The following PACS2 variants were observed in gnomAD, a reference collection of about 807,000 sequenced individuals.
PACS2 encodes PACS1-like protein.
A neutral mutation model predicts 113.0 loss-of-function variants in PACS2; 36 were observed. The observed-to-expected ratio is 0.32, with a 90% CI of 0.24 to 0.42. The LOEUF is 0.42. Ranked by LOEUF, PACS2 falls within the 10% of genes least tolerant of loss-of-function variation. The probability of loss-of-function intolerance (pLI) is 1.00; values close to 1 mark genes in which losing one functional copy is unlikely to be tolerated. For synonymous variants in PACS2, 589 were observed against 536.1 expected, an observed-to-expected ratio of 1.10 and a Z score of -1.36; for missense variants, 1,015 against 1,239.5, an observed-to-expected ratio of 0.82 and a Z score of 2.72.
At chr14:105,313,254 T>G (rs1255035354), upstream of PACS2, among the ~76,000 whole-genome samples, 2 of 152,016 alleles carry the variant, frequency 1.3e-5, no homozygotes, top group Non-Finnish European at 1.5e-5. Flanking sequence ...AGTTCTGGGG[T>G]CAATGGGTGC....
At chr14:105,311,656 G>A (rs1458163134), upstream of PACS2, among the ~76,000 whole-genome samples, 1 of 152,194 alleles carries the variant, frequency 6.6e-6, no homozygotes, top group East Asian at 1.9e-4. Context: ...CAACCCCGGG[G>A]TTGATTCCAG....
At chr14:105,384,311 C>T (rs370007517) in intron 16 of PACS2, 42 bp from the exon 17 acceptor site, 75 of 1,227,456 alleles carry the variant, frequency 6.1e-5, no homozygotes, top group African/African-American at 1.6e-4. Context: ...CTTGCAGCTC[C>T]GAGTCCCCCG....
chr14:105,349,276 C>G (rs587744875), intron 2 of PACS2, among the ~76,000 whole-genome samples: 1 of 152,250 alleles, frequency 6.6e-6, no homozygotes, highest in African/African-American at 2.4e-5. Context: ...CCACCGCCAG[C>G]GGGCTCTCCC....
intron 1 of PACS2, among the ~76,000 whole-genome samples, chr14:105,301,725 G>A (rs904217891): frequency 6.6e-6 from 1 of 152,228 alleles, no homozygotes; most frequent in African/African-American, 2.4e-5. Context: ...TTACCCGTGA[G>A]TCACCTCGCT....
At position 105,394,604 on chromosome 14, in the gene PACS2, G is replaced by A. The variant is rs367840030; in HGVS notation, c.2647G>A (p.Ala883Thr). 1.2e-5 allele frequency: 20 copies of A among 1,613,316 alleles called. No homozygotes were observed. The highest frequency in any genetic ancestry group is 5.5e-5 in the South Asian group (5 of 91,090). ...CGACGTCAAGTTCTTCCAGCTGGCCGCGCAGTGGTCCTCGCACGTGAAGCA... is the reference window on the plus strand; with the variant it reads ...CGACGTCAAGTTCTTCCAGCTGGCCACGCAGTGGTCCTCGCACGTGAAGCA... ...CSDVKFFQLA[A>T]QWSSHVKHFP... is the part of the protein sequence containing the mutation. Residue 883 changes from alanine (A) to threonine (T), a missense_variant, in exon 25 of 25, where the codon GCG becomes ACG. By Grantham distance (58) the Ala-to-Thr change is moderately conservative. This residue lies in a region of PACS2 where 859 missense variants were observed against 1,056.8 expected (regional missense o/e 0.81). Coordinates refer to ENST00000447393, the MANE Select transcript of PACS2 (RefSeq NM_001100913.3).
chr14:105,353,666 T>G (rs1050590864), intron 3 of PACS2, among the ~76,000 whole-genome samples: 4 of 152,070 alleles, frequency 2.6e-5, no homozygotes, highest in South Asian at 2.1e-4. Context: ...CAGTCTTGGC[T>G]CACTGCAACC....
At chr14:105,363,429 G>A (rs181962455) in intron 4 of PACS2, among the ~76,000 whole-genome samples, 14 of 152,306 alleles carry the variant, frequency 9.2e-5, no homozygotes, top group African/African-American at 2.2e-4. Flanking sequence ...AGCACTTGCC[G>A]CTTCACCTTG....
intron 1 of PACS2, among the ~76,000 whole-genome samples, chr14:105,345,394 G>A (rs376857048): frequency 7.7e-4 from 117 of 152,220 alleles, no homozygotes; most frequent in Middle Eastern, 6.8e-3. Context: ...GCAACAGAGC[G>A]AGACTCCGTC....
In PACS2 at chr14:105,309,308, T is replaced by C. The variant is rs906882117; in HGVS notation, c.-83+8329T>C. Among the ~76,000 whole-genome samples the C allele has an allele frequency of 6.6e-6, 1 of 152,208 alleles. No homozygotes were observed. Among genetic ancestry groups the C allele is most frequent in the Non-Finnish European group, 1.5e-5 (1 of 68,038 alleles). On this transcript the variant is annotated intron_variant, in intron 1 of 23. Coordinates refer to the PACS2 transcript ENST00000430725. This position sits in a 1 kb window ranked among gnomAD's most constrained non-coding sequence, Gnocchi z 4.0. The stretch of plus-strand genomic sequence containing the variant: ...GAGTTTTATTCCTGAATCCAGGTCA[T>C]GCTGTGTTCAACTTTACACCCTGAT...
rs778797482 is a variant in PACS2, at chr14:105,330,280, T to G, written c.119+15243T>G. Among the ~76,000 whole-genome samples, 9 of 35,324 alleles carry G rather than the reference T, an allele frequency of 2.5e-4. No individual in the cohort carries two copies. Among genetic ancestry groups the G allele is most frequent in the South Asian group, 9.3e-4 (1 of 1,074 alleles). 23.2% of individuals were successfully genotyped at this position (35,324 alleles called of 152,430 possible). A position where few individuals can be genotyped will look rare whatever the true frequency, so the allele number is the denominator to read the frequency against. On this transcript the variant is annotated intron_variant, in intron 1 of 24. Transcript: ENST00000447393. This position sits in a 1 kb window ranked among gnomAD's most constrained non-coding sequence, Gnocchi z 6.9. ...CCTGGGGTCCGTGTGTGGGACGGAA[T>G]GGGGACAGGAGCCTCCGAGAAGCCT... is the stretch of plus-strand genomic sequence containing the variant.
At chr14:105,313,176 A>G (rs1420823821), upstream of PACS2, among the ~76,000 whole-genome samples, 1 of 152,160 alleles carries the variant, frequency 6.6e-6, no homozygotes, top group Admixed American at 6.5e-5. Context: ...CACAGGCACC[A>G]TGTGTCAGGC....
At position 105,392,624 on chromosome 14, in the gene PACS2, G is replaced by A; in HGVS notation, c.2261G>A (p.Gly754Asp). The change falls in exon 23 of 25, where the codon GGT (glycine) becomes GAT (aspartate). Residue 754 changes from glycine to aspartate, a missense_variant. Physicochemically the swap from Gly to Asp is moderately conservative, Grantham distance 94. This residue lies in a region of PACS2 where 859 missense variants were observed against 1,056.8 expected (regional missense o/e 0.81). Coordinates refer to ENST00000447393, the MANE Select transcript of PACS2 (RefSeq NM_001100913.3). ...CCTCCCTCTGCCTTTCCCAGCCAGG[G>A]TGTCGGCGCCGAGCTGATGGGGCTG... ...VSGGLSSPSQ[G>D]VGAELMGLQV... 1.9e-6 allele frequency: 3 copies of A among 1,605,024 alleles called. No individual in the cohort carries two copies. Among genetic ancestry groups the A allele is most frequent in the East Asian group, 4.5e-5 (2 of 44,380 alleles).
In PACS2 at chr14:105,384,995, G is replaced by T; in HGVS notation, c.2000+8G>T. On this transcript the variant is annotated splice_region_variant and intron_variant, in intron 18 of 24. Coordinates refer to ENST00000447393, the MANE Select transcript of PACS2 (RefSeq NM_001100913.3). ...GACCTACAAGCAGAAGAGGTAACGC[G>T]GTGGGCCCAGGCACCATACCACAGG... The T allele has an allele frequency of 6.7e-7, 1 of 1,501,566 alleles. No individual in the cohort carries two copies. The highest frequency in any genetic ancestry group is 2.4e-5 in the East Asian group (1 of 41,660). The allele number at this position is 1,501,566 out of a possible 1,614,324, so 93.0% of individuals were successfully genotyped here. A position where few individuals can be genotyped will look rare whatever the true frequency, so the allele number is the denominator to read the frequency against.
At chr14:105,394,391 GGAGCCCCC>G in intron 24 of PACS2, 155 bp from the exon 25 acceptor site, 1 of 985,306 alleles carries the variant, frequency 1.0e-6, no homozygotes, top group Non-Finnish European at 1.2e-6. Context: ...GCATGGCCCT[GGAGCCCCC>G]GAGTCCCTGA....
chr14:105,362,433 A>G (rs1297418128), intron 4 of PACS2, among the ~76,000 whole-genome samples: 1 of 151,188 alleles, frequency 6.6e-6, no homozygotes, highest in Non-Finnish European at 1.5e-5. Flanking sequence ...AAAAAAAAGA[A>G]AAGAAAAAAA....
At chr14:105,310,762 G>A (rs987175483), upstream of PACS2, among the ~76,000 whole-genome samples, 1 of 152,060 alleles carries the variant, frequency 6.6e-6, no homozygotes, top group Non-Finnish European at 1.5e-5. Flanking sequence ...TCATCATGGA[G>A]AAAATAGGAG....
At chr14:105,383,892 A>G (rs1030053077) in intron 16 of PACS2, 36 of 288,832 alleles carry the variant, frequency 1.2e-4, no homozygotes, top group Admixed American at 7.8e-4. Context: ...AGGGCTCGTT[A>G]TTAATCCTCT....
chr14:105,351,307 C>T (rs1256071337), intron 2 of PACS2, among the ~76,000 whole-genome samples: 1 of 152,184 alleles, frequency 6.6e-6, no homozygotes, highest in Admixed American at 6.5e-5. Flanking sequence ...CGGTTGGGGT[C>T]CTGTTGTCTT....
rs1595676889 is a variant in PACS2, at chr14:105,354,979, G to T, written c.298-73G>T. ...CCTGGTCGCAGGCTGCAGGGTGGCT[G>T]GGCCGTCAGAGGCCGTGATGCTGCC... On this transcript the variant is annotated intron_variant, in intron 3 of 24. Transcript: ENST00000447393. This position sits in a 1 kb window ranked among gnomAD's most constrained non-coding sequence, Gnocchi z 4.2. The T allele has an allele frequency of 5.3e-6, 8 of 1,519,632 alleles. No homozygotes were observed. In the East Asian group the frequency reaches 1.6e-4, roughly 31 times the overall value. The allele number at this position is 1,519,632 out of a possible 1,614,324, so 94.1% of individuals were successfully genotyped here.
Sources: gnomAD v4.1 joint callset for allele counts (sites outside exome capture counted in the v4.1 genomes callset) on GRCh38, gnomAD v4.1.1 for gene constraint, gnomAD v4.1.1 regional missense constraint, Gnocchi (gnomAD v3.1) non-coding constraint, MANE v1.5 for transcripts, NCBI Gene and HGNC (gene_info 2026-07-23, HGNC 2026-07-21) for gene names.